The following MBNL2 variants were observed in gnomAD, a reference collection of about 807,000 sequenced individuals.
The protein encoded by MBNL2 is muscleblind like splicing regulator 2, also known as muscleblind-like protein 2.
Under a neutral mutation model 41.9 loss-of-function variants are expected in MBNL2, and 17 were observed. That is an observed-to-expected ratio of 0.41 (90% CI 0.28 to 0.61). The LOEUF (loss-of-function observed/expected upper bound fraction) is 0.61, where lower values mean the gene tolerates loss of function less well. Ranked by LOEUF, MBNL2 falls within the 20% of genes least tolerant of loss-of-function variation. The probability of loss-of-function intolerance (pLI) is 0.35; values close to 1 mark genes in which losing one functional copy is unlikely to be tolerated. For synonymous variants in MBNL2, 195 were observed against 182.9 expected (o/e 1.07, Z -0.53); for missense variants, 336 against 505.6 (o/e 0.66, Z 3.22).
At chr13:97,287,933 TG>T (rs797015360) in intron 2 of MBNL2, among the ~76,000 whole-genome samples, 86 of 85,746 alleles carry the variant, frequency 1.0e-3, no homozygotes, top group African/African-American at 2.8e-3. Flanking sequence ...TTTTTTGTTT[TG>T]TTTTGTTTTT....
the MBNL2 span, among the ~76,000 whole-genome samples, chr13:97,202,753 G>A: frequency 0.17 from 25,340 of 152,150 alleles, 2,796 homozygotes; most frequent in African/African-American, 0.32. Context: ...AACGGAAAAG[G>A]CAAGAAATGC....
At chr13:97,272,337 A>C (rs533748147) in intron 1 of MBNL2, among the ~76,000 whole-genome samples, 1 of 152,060 alleles carries the variant, frequency 6.6e-6, no homozygotes, top group Admixed American at 6.6e-5. Flanking sequence ...GTTCCTTGTA[A>C]ATTCTGGATA....
chr13:97,366,445 TC>T lies in MBNL2; in HGVS notation c.1048+1278del. The T allele has an allele frequency of 7.4e-7, 1 of 1,346,880 alleles. No homozygotes were observed. Among genetic ancestry groups the T allele is most frequent in the Non-Finnish European group, 1.1e-6 (1 of 938,970 alleles). 83.4% of individuals were successfully genotyped at this position (1,346,880 alleles called of 1,614,324 possible). A position where few individuals can be genotyped will look rare whatever the true frequency, so the allele number is the denominator to read the frequency against. The stretch of plus-strand genomic sequence containing the variant: ...CCCTCCTGTTCATTGCTCCCATGGT[TC>T]CCCTCCTGAAAGTACCCATGATGCA... On this transcript the variant is annotated intron_variant, in intron 8 of 8. Coordinates refer to ENST00000679496, the MANE Select transcript of MBNL2 (RefSeq NM_001382683.1). This position sits in a 1 kb window ranked among gnomAD's most constrained non-coding sequence, Gnocchi z 4.7.
chr13:97,327,395 A>G (rs1363633750), intron 2 of MBNL2, among the ~76,000 whole-genome samples: 6 of 152,008 alleles, frequency 3.9e-5, no homozygotes, highest in Non-Finnish European at 5.9e-5. Flanking sequence ...GGAGCATTCA[A>G]GGAGAAAATA....
chr13:97,215,670 A>G, the MBNL2 span, among the ~76,000 whole-genome samples: 1 of 152,220 alleles, frequency 6.6e-6, no homozygotes, highest in Non-Finnish European at 1.5e-5. Context: ...AACTTTTCAT[A>G]TAACTCCTTA....
In MBNL2 at chr13:97,301,380, G is replaced by C. The variant is rs113358157; in HGVS notation, c.174+24971G>C. ...CCCAGACTGGGAAGCAGAAGAGGTG[G>C]GATGTATGTTCAGAACTATTTTCTA... On this transcript the variant is annotated intron_variant, in intron 2 of 8. Transcript: ENST00000679496. 3.9e-3 allele frequency among the ~76,000 whole-genome samples: 595 copies of C among 152,276 alleles called. 4 individuals carry two copies. Among genetic ancestry groups the C allele is most frequent in the African/African-American group, 0.013 (558 of 41,540 alleles).
the MBNL2 span, among the ~76,000 whole-genome samples, chr13:97,187,834 G>A: frequency 6.6e-6 from 1 of 151,626 alleles, no homozygotes; most frequent in East Asian, 1.9e-4. Flanking sequence ...GTGAACCCCG[G>A]GACGGCGGAG....
At chr13:97,286,128 C>A (rs1217325320) in intron 2 of MBNL2, among the ~76,000 whole-genome samples, 1 of 152,196 alleles carries the variant, frequency 6.6e-6, no homozygotes, top group Admixed American at 6.5e-5. Flanking sequence ...TGATTTCTCT[C>A]CTTAACTCTA....
At chr13:97,246,354 G>A (rs1301194121) in intron 1 of MBNL2, among the ~76,000 whole-genome samples, 1 of 151,378 alleles carries the variant, frequency 6.6e-6, no homozygotes, top group Admixed American at 6.6e-5. Flanking sequence ...AACATTTATT[G>A]CAAACCACTT....
chr13:97,352,035 TATAAATAAATAAATAA>T (rs146632066), intron 5 of MBNL2, among the ~76,000 whole-genome samples: 1 of 148,634 alleles, frequency 6.7e-6, no homozygotes. Flanking sequence ...AAAATAAAAA[TATAAATAAATAAATAA>T]ATAAATAAAT....
the MBNL2 span, among the ~76,000 whole-genome samples, chr13:97,152,533 A>G: frequency 3.9e-5 from 6 of 152,344 alleles, no homozygotes; most frequent in Middle Eastern, 3.4e-3. Context: ...AAAAAATTGT[A>G]TAAAGCTTTC....
chr13:97,206,035 G>T, the MBNL2 span, among the ~76,000 whole-genome samples: 2 of 152,132 alleles, frequency 1.3e-5, no homozygotes, highest in East Asian at 1.9e-4. Flanking sequence ...TTATTTTTGA[G>T]ATTATAGATC....
At chr13:97,177,853 G>A in the MBNL2 span, among the ~76,000 whole-genome samples, 1 of 152,048 alleles carries the variant, frequency 6.6e-6, no homozygotes, top group Non-Finnish European at 1.5e-5. Context: ...CAGTATTGAG[G>A]GCTAGAAGAA....
chr13:97,363,361 G>A (rs945513885), intron 7 of MBNL2, among the ~76,000 whole-genome samples: 1 of 151,988 alleles, frequency 6.6e-6, no homozygotes, highest in South Asian at 2.1e-4. Flanking sequence ...CATAGAGAGG[G>A]TGAGGGAAGG....
chr13:97,244,240 C>T (rs926780599), intron 1 of MBNL2, among the ~76,000 whole-genome samples: 3 of 152,098 alleles, frequency 2.0e-5, no homozygotes, highest in African/African-American at 7.2e-5. Flanking sequence ...TTTTAAGAAA[C>T]CTGCTAGTGA....
At chr13:97,382,009 A>G (rs2065493088) in intron 8 of MBNL2, among the ~76,000 whole-genome samples, 1 of 152,210 alleles carries the variant, frequency 6.6e-6, no homozygotes, top group African/African-American at 2.4e-5. Context: ...AGTCATCTTC[A>G]GTGAAGCAGC....
chr13:97,218,215 C>T (rs1358063953), upstream of MBNL2, among the ~76,000 whole-genome samples: 1 of 151,860 alleles, frequency 6.6e-6, no homozygotes, highest in African/African-American at 2.4e-5. Context: ...TTGAGACCAT[C>T]CTGGATAGCA....
the MBNL2 span, among the ~76,000 whole-genome samples, chr13:97,176,774 C>A: frequency 5.3e-5 from 8 of 152,170 alleles, no homozygotes; most frequent in Non-Finnish European, 8.8e-5. Context: ...TCCCAGCAGA[C>A]TTTCAAGGTA....
At chr13:97,379,225 G>A (rs533582759) in intron 8 of MBNL2, among the ~76,000 whole-genome samples, 12 of 152,268 alleles carry the variant, frequency 7.9e-5, no homozygotes, top group Non-Finnish European at 1.6e-4. Context: ...AAATATTGTT[G>A]CTTGGTGAGA....
Sources: allele counts gnomAD v4.1 joint callset (sites outside exome capture counted in the v4.1 genomes callset), GRCh38; gene constraint gnomAD v4.1.1; non-coding constraint Gnocchi (gnomAD v3.1); transcripts MANE v1.5; gene names NCBI Gene and HGNC (gene_info 2026-07-23, HGNC 2026-07-21).